Variants in ULK4 observed in about 807,000 individuals in gnomAD.
ULK4 encodes inactive serine/threonine-protein kinase ULK4.
ULK4 carries 133 observed loss-of-function variants against 160.6 expected under a neutral mutation model. The observed-to-expected ratio is 0.83, with a 90% CI of 0.72 to 0.96. ULK4 has a LOEUF of 0.96. Among genes scored for constraint, ULK4 ranks in the 40% least tolerant of loss-of-function variants. The pLI is 0.00. For synonymous variants in ULK4, 534 were observed against 539.8 expected (o/e 0.99, Z 0.15); for missense variants, 1,580 against 1,499.5 (o/e 1.05, Z -0.89).
intron 21 of ULK4, among the ~76,000 whole-genome samples, chr3:41,788,408 C>G (rs1017103308): frequency 4.6e-5 from 7 of 152,134 alleles, no homozygotes; most frequent in Non-Finnish European, 1.0e-4. Context: ...CTCTCTACCT[C>G]TTATAGAAAA....
At chr3:41,273,048 A>G (rs969890019) in intron 35 of ULK4, among the ~76,000 whole-genome samples, 1 of 152,054 alleles carries the variant, frequency 6.6e-6, no homozygotes, top group Non-Finnish European at 1.5e-5. Context: ...GCTTTGATAG[A>G]CTGTATTTTT....
chr3:41,642,344 C>T (rs1335842078), intron 30 of ULK4, among the ~76,000 whole-genome samples: 1 of 152,060 alleles, frequency 6.6e-6, no homozygotes, highest in African/African-American at 2.4e-5. Context: ...CCCTACTCCC[C>T]CCACCCCACA....
rs74699946 is a variant in ULK4 at position 41,442,936 on chromosome 3, A to G, written c.3492+12561T>C. Among the ~76,000 whole-genome samples, 134 of 152,328 alleles carry G rather than the reference A, an allele frequency of 8.8e-4. 1 individual carries two copies. Among genetic ancestry groups the G allele is most frequent in the African/African-American group, 3.0e-3 (125 of 41,584 alleles). On this transcript the variant is annotated intron_variant, in intron 34 of 36. Coordinates refer to ENST00000301831, the MANE Select transcript of ULK4 (RefSeq NM_017886.4). ...ATAGTGCTTCTCTTCTTCTCATCATATAATTTATGACATAGAAACAGCACA... is the reference window on the plus strand; with the variant it reads ...ATAGTGCTTCTCTTCTTCTCATCATGTAATTTATGACATAGAAACAGCACA...
At position 41,900,931 on chromosome 3, in the gene ULK4, A is replaced by G. The variant is rs528157052; in HGVS notation, c.1183-102T>C. On this transcript the variant is annotated intron_variant, in intron 12 of 36. Coordinates refer to ENST00000301831, the MANE Select transcript of ULK4 (RefSeq NM_017886.4). Reference sequence around the variant, plus strand: ...GAGGAAGACACCACTGTAAAATATCACCTATATCAATGTACTTCAACTGCT... The same window carrying G: ...GAGGAAGACACCACTGTAAAATATCGCCTATATCAATGTACTTCAACTGCT... The G allele has an allele frequency of 1.6e-5, 12 of 747,078 alleles. No individual in the cohort carries two copies. In the African/African-American group the frequency reaches 1.7e-4, roughly 11 times the overall value. 46.3% of individuals were successfully genotyped at this position (747,078 alleles called of 1,614,324 possible).
chr3:41,886,507 A>G (rs1285175726), intron 16 of ULK4, among the ~76,000 whole-genome samples: 2 of 152,214 alleles, frequency 1.3e-5, no homozygotes, highest in Non-Finnish European at 2.9e-5. Context: ...GAATTAGGCT[A>G]AACTCATGAG....
chr3:41,644,678 G>T (rs958718052), intron 30 of ULK4, among the ~76,000 whole-genome samples: 3 of 151,280 alleles, frequency 2.0e-5, no homozygotes, highest in Non-Finnish European at 4.4e-5. Flanking sequence ...TCTCTGCCCG[G>T]CTTTGGTATC....
chr3:41,324,255 A>T (rs1441010243), intron 35 of ULK4, among the ~76,000 whole-genome samples: 1 of 152,124 alleles, frequency 6.6e-6, no homozygotes, highest in Admixed American at 6.5e-5. Context: ...GTCACTATAC[A>T]CCTACTGTGC....
At chr3:41,333,616 T>A (rs9877071) in intron 35 of ULK4, among the ~76,000 whole-genome samples, 43,799 of 152,080 alleles carry the variant, frequency 0.29, 6,673 homozygotes, top group Middle Eastern at 0.36. Flanking sequence ...ACAAGTTTCA[T>A]TTTTCTTAGT....
intron 32 of ULK4, among the ~76,000 whole-genome samples, chr3:41,496,435 T>C (rs536333336): frequency 6.6e-6 from 1 of 152,150 alleles, no homozygotes; most frequent in East Asian, 1.9e-4. Flanking sequence ...ATGAGCCCCA[T>C]AACCACCCCA....
At chr3:41,773,835 C>T (rs1224406264) in intron 21 of ULK4, among the ~76,000 whole-genome samples, 3 of 152,260 alleles carry the variant, frequency 2.0e-5, no homozygotes, top group African/African-American at 7.2e-5. Flanking sequence ...TACAAGGCTA[C>T]GGTAACCAAA....
intron 32 of ULK4, among the ~76,000 whole-genome samples, chr3:41,543,107 C>G (rs896987027): frequency 6.6e-6 from 1 of 152,066 alleles, no homozygotes; most frequent in Non-Finnish European, 1.5e-5. Context: ...ACAAAGAGAA[C>G]TTGCCCATCA....
intron 32 of ULK4, among the ~76,000 whole-genome samples, chr3:41,528,450 T>C (rs1192896567): frequency 6.6e-6 from 1 of 152,198 alleles, no homozygotes; most frequent in African/African-American, 2.4e-5. Context: ...TTGGGAACTA[T>C]AGCATCTTTT....
intron 32 of ULK4, among the ~76,000 whole-genome samples, chr3:41,557,766 A>T (rs1168624623): frequency 1.3e-5 from 2 of 151,968 alleles, no homozygotes; most frequent in Non-Finnish European, 2.9e-5. Context: ...CTCTGTCTCT[A>T]AAATAAAGTA....
intron 34 of ULK4, among the ~76,000 whole-genome samples, chr3:41,436,587 T>C (rs2083043009): frequency 6.6e-6 from 1 of 152,168 alleles, no homozygotes; most frequent in Non-Finnish European, 1.5e-5. Context: ...ATCTCTCAAA[T>C]GAACAGGATG....
chr3:41,268,802 TCA>T lies in ULK4; in HGVS notation c.3679-19230_3679-19229del, dbSNP rs761556124. On this transcript the variant is annotated intron_variant, in intron 35 of 36. Coordinates refer to ENST00000301831, the MANE Select transcript of ULK4 (RefSeq NM_017886.4). ...CTGGGTGACAGAGCAAGACTCCGTCTCACACACACACAAAAAAAAAAAAAAAA... is the reference window on the plus strand; with the variant it reads ...CTGGGTGACAGAGCAAGACTCCGTCTCACACACACAAAAAAAAAAAAAAAA... 4.1e-3 allele frequency among the ~76,000 whole-genome samples: 412 copies of T among 100,462 alleles called. 28 individuals carry two copies. The highest frequency in any genetic ancestry group is 0.017 in the East Asian group (64 of 3,692). 65.9% of individuals were successfully genotyped at this position (100,462 alleles called of 152,430 possible).
chr3:41,931,485 A>AAAAG (rs1559658134), intron 5 of ULK4, among the ~76,000 whole-genome samples: 10 of 151,838 alleles, frequency 6.6e-5, no homozygotes, highest in Non-Finnish European at 1.3e-4. Context: ...AAAAAAAAAA[A>AAAAG]AAAGAAAGAA....
chr3:41,339,673 A>C (rs1005926343), intron 35 of ULK4, among the ~76,000 whole-genome samples: 3 of 152,016 alleles, frequency 2.0e-5, no homozygotes, highest in African/African-American at 7.2e-5. Context: ...AAACAATCTC[A>C]CCTGCTTTTC....
chr3:41,306,376 G>A (rs1393123155), intron 35 of ULK4, among the ~76,000 whole-genome samples: 3 of 133,384 alleles, frequency 2.2e-5, no homozygotes, highest in African/African-American at 1.0e-4. Flanking sequence ...CCAGCCAGCT[G>A]CCCCGTCCGG....
chr3:41,431,199 T>C (rs982289550), intron 34 of ULK4, among the ~76,000 whole-genome samples: 1 of 151,754 alleles, frequency 6.6e-6, no homozygotes, highest in Admixed American at 6.6e-5. Context: ...AATACAAAAA[T>C]TAGCTGGGCG....
Sources: allele counts gnomAD v4.1 joint callset (sites outside exome capture counted in the v4.1 genomes callset), GRCh38; gene constraint gnomAD v4.1.1; transcripts MANE v1.5; gene names NCBI Gene and HGNC (gene_info 2026-07-23, HGNC 2026-07-21).